Variants in RPL32 observed in about 807,000 individuals in gnomAD.
The protein encoded by RPL32 is ribosomal protein L32.
For missense variants in RPL32, 117 were observed against 173.7 expected (o/e 0.67, Z 1.83); for synonymous variants, 61 against 62.6 (o/e 0.98, Z 0.12).
intron 1 of RPL32, chr3:12,840,782 C>T (rs2062145955): frequency 3.6e-6 from 1 of 276,228 alleles, no homozygotes; most frequent in Non-Finnish European, 7.3e-6. Flanking sequence ...CTGAAGATGC[C>T]TCAAACCTGG....
chr3:12,840,572 C>A, intron 1 of RPL32: 1 of 491,100 alleles, frequency 2.0e-6, no homozygotes, highest in Non-Finnish European at 4.1e-6. Context: ...GTCCGAACCC[C>A]CAGATGGTCC....
intron 3 of RPL32, among the ~76,000 whole-genome samples, chr3:12,837,992 G>A (rs2062112651): frequency 6.6e-6 from 1 of 152,208 alleles, no homozygotes; most frequent in South Asian, 2.1e-4. Context: ...TAGCTACCAG[G>A]AAGGCTGAGA....
Position 12,839,538 on chromosome 3 carries a change from AAAT to A in RPL32, c.97-11_97-9del. 6.2e-7 allele frequency: 1 copy of A among 1,614,050 alleles called. No homozygotes were observed. The highest frequency in any genetic ancestry group is 8.5e-7 in the Non-Finnish European group (1 of 1,179,896). On this transcript the variant is annotated splice_polypyrimidine_tract_variant and intron_variant, in intron 2 of 3. Coordinates refer to ENST00000429711, the MANE Select transcript of RPL32 (RefSeq NM_000994.4). ...GGGTTTCCGCCAGTTACGCTGAAGG[AAAT>A]AATACACAGGTGGGTTAGCGTCTGT...
At chr3:12,838,183 G>C (rs1377661267) in intron 3 of RPL32, among the ~76,000 whole-genome samples, 2 of 152,178 alleles carry the variant, frequency 1.3e-5, no homozygotes, top group African/African-American at 4.8e-5. Context: ...AAGGCAGGCA[G>C]ACCGCTTAAG....
intron 2 of RPL32, 49 bp downstream of exon 2, chr3:12,840,093 G>C (rs748940930): frequency 7.0e-7 from 1 of 1,430,284 alleles, no homozygotes; most frequent in Non-Finnish European, 9.9e-7. Context: ...GAAACTGTTG[G>C]AAACTCTTTT....
In RPL32 at chr3:12,838,931, C is replaced by T. The variant is rs147069286; in HGVS notation, c.278+418G>A. 1.9e-3 allele frequency: 500 copies of T among 256,490 alleles called. 1 individual carries two copies. Among genetic ancestry groups the T allele is most frequent in the African/African-American group, 0.011 (479 of 44,360 alleles). The allele number at this position is 256,490 out of a possible 1,614,324, so 15.9% of individuals were successfully genotyped here. Reference sequence around the variant, plus strand: ...ACATATTCTTAGGGTCTCCCAAGGGCTGTGTCACGGGCCATGGTCAACTCA... The same window carrying T: ...ACATATTCTTAGGGTCTCCCAAGGGTTGTGTCACGGGCCATGGTCAACTCA... On this transcript the variant is annotated intron_variant, in intron 3 of 3. Coordinates refer to ENST00000429711, the MANE Select transcript of RPL32 (RefSeq NM_000994.4).
At chr3:12,838,111 C>CT (rs1381875170) in intron 3 of RPL32, among the ~76,000 whole-genome samples, 2 of 152,204 alleles carry the variant, frequency 1.3e-5, no homozygotes, top group African/African-American at 4.8e-5. Flanking sequence ...CTGTCTATCT[C>CT]TAAAATCAAA....
At chr3:12,839,660 C>G (rs2062130829) in intron 2 of RPL32, 130 bp from the exon 3 acceptor site, 1 of 916,588 alleles carries the variant, frequency 1.1e-6, no homozygotes, top group Admixed American at 2.0e-5. Context: ...AACAGGACTT[C>G]ACTATTTCCT....
chr3:12,839,106 CTT>C (rs2062124627), intron 3 of RPL32: 1 of 582,416 alleles, frequency 1.7e-6, no homozygotes, highest in Admixed American at 3.1e-5. Flanking sequence ...ACAAAGCAGT[CTT>C]TTCCTGGTCT....
chr3:12,839,802 T>C (rs898039292), intron 2 of RPL32, among the ~76,000 whole-genome samples: 2 of 152,054 alleles, frequency 1.3e-5, no homozygotes, highest in Non-Finnish European at 2.9e-5. Flanking sequence ...GATACTGAGA[T>C]GGCAAGCACA....
At chr3:12,840,318 C>T (rs760962496) in intron 1 of RPL32, 76 bp from the exon 2 acceptor site, 4 of 1,042,032 alleles carry the variant, frequency 3.8e-6, no homozygotes, top group Non-Finnish European at 6.0e-6. Context: ...TGAACACTGT[C>T]GCAGAGTGTC....
Position 12,836,284 on chromosome 3 carries a change from T to C in RPL32, c.279-61A>G, listed in dbSNP as rs73139901. The C allele has an allele frequency of 1.4e-3, 2,238 of 1,594,762 alleles. 29 individuals are homozygous for C. The African/African-American group carries it at 0.026, about 19-fold the overall frequency. On this transcript the variant is annotated intron_variant, in intron 3 of 3. Coordinates refer to ENST00000429711, the MANE Select transcript of RPL32 (RefSeq NM_000994.4). ...CCCTCAACACACTTGGAAAATTCCA[T>C]TGGAGAGGCAATGAGTCCCAGCACC...
At chr3:12,840,766 A>G in intron 1 of RPL32, 1 of 308,240 alleles carries the variant, frequency 3.2e-6, no homozygotes, top group South Asian at 2.8e-5. Context: ...AAACCACCAT[A>G]TACCTCTGAA....
rs1358304779 is a variant in RPL32 at position 12,835,542 on chromosome 3, GGAGACT to G, written c.*546_*551del. The G allele has an allele frequency of 6.4e-6, 1 of 156,180 alleles. No homozygotes were observed. The highest frequency in any genetic ancestry group is 1.4e-5 in the Non-Finnish European group (1 of 70,558). 9.7% of individuals were successfully genotyped at this position (156,180 alleles called of 1,614,324 possible). A position where few individuals can be genotyped will look rare whatever the true frequency, so the allele number is the denominator to read the frequency against. ...AGCAGCAGCTGGTGGGAGGGTTATA[GGAGACT>G]GAAAGTGCTTTTCCAGTTAACCGTG... On this transcript the variant is annotated 3_prime_UTR_variant, in exon 4 of 4. Transcript: ENST00000429711.
In RPL32 at chr3:12,835,539, A is replaced by G. The variant is rs2062092995; in HGVS notation, c.*555T>C. ...TGAAGCAGCAGCTGGTGGGAGGGTT[A>G]TAGGAGACTGAAAGTGCTTTTCCAG... On this transcript the variant is annotated 3_prime_UTR_variant, in exon 4 of 4. Coordinates refer to ENST00000429711, the MANE Select transcript of RPL32 (RefSeq NM_000994.4). The G allele has an allele frequency of 6.4e-6, 1 of 156,354 alleles. No homozygotes were observed. Among genetic ancestry groups the G allele is most frequent in the Admixed American group, 6.2e-5 (1 of 16,068 alleles). The allele number at this position is 156,354 out of a possible 1,614,324, so 9.7% of individuals were successfully genotyped here. A position where few individuals can be genotyped will look rare whatever the true frequency, so the allele number is the denominator to read the frequency against.
intron 3 of RPL32, among the ~76,000 whole-genome samples, chr3:12,836,584 A>C (rs1489357296): frequency 2.0e-5 from 3 of 152,166 alleles, no homozygotes; most frequent in Non-Finnish European, 4.4e-5. Flanking sequence ...AGGGTGCTTG[A>C]CCTTGCCCAT....
At chr3:12,840,383 C>A in intron 1 of RPL32, 141 bp from the exon 2 acceptor site, 2 of 765,288 alleles carry the variant, frequency 2.6e-6, no homozygotes, top group Middle Eastern at 4.6e-4. Flanking sequence ...CTCTGCCAGG[C>A]TTGCTTTCCC....
intron 2 of RPL32, 143 bp from the exon 3 acceptor site, chr3:12,839,673 C>CT: frequency 1.2e-6 from 1 of 861,846 alleles, no homozygotes. Flanking sequence ...TATTTCCTTA[C>CT]TTTTTTGGTG....
chr3:12,838,829 G>C (rs1459052826), intron 3 of RPL32, among the ~76,000 whole-genome samples: 1 of 152,090 alleles, frequency 6.6e-6, no homozygotes, highest in East Asian at 1.9e-4. Context: ...ACCAATGTAT[G>C]CCTTATGTGT....
Sources: gnomAD v4.1 joint callset for allele counts (sites outside exome capture counted in the v4.1 genomes callset) on GRCh38, gnomAD v4.1.1 for gene constraint, MANE v1.5 for transcripts, NCBI Gene and HGNC (gene_info 2026-07-23, HGNC 2026-07-21) for gene names.